RAD51B: variants seen among roughly 807,000 people sequenced by gnomAD.
RAD51B encodes the protein DNA repair protein RAD51 homolog 2.
A neutral mutation model predicts 42.2 loss-of-function variants in RAD51B; 38 were observed. The observed-to-expected ratio is 0.90, with a 90% CI of 0.70 to 1.18. The LOEUF is 1.18. RAD51B is among the 50% of genes most tolerant of loss of function. The pLI is 0.00. For synonymous variants in RAD51B, 154 were observed against 145.2 expected, an observed-to-expected ratio of 1.06 and a Z score of -0.43; for missense variants, 373 against 400.7, an observed-to-expected ratio of 0.93 and a Z score of 0.59.
chr14:68,241,356 C>G (rs1359897714), intron 7 of RAD51B, among the ~76,000 whole-genome samples: 1 of 152,176 alleles, frequency 6.6e-6, no homozygotes, highest in Non-Finnish European at 1.5e-5. Context: ...TCCTGGCTAA[C>G]ATGGTGGAAC....
intron 8 of RAD51B, among the ~76,000 whole-genome samples, chr14:68,383,393 C>T (rs912677823): frequency 1.3e-5 from 2 of 152,144 alleles, no homozygotes; most frequent in East Asian, 3.8e-4. Flanking sequence ...CTACAATAAA[C>T]AGGATGGTCC....
At chr14:68,408,464 G>A (rs565248349) in intron 8 of RAD51B, among the ~76,000 whole-genome samples, 13 of 152,276 alleles carry the variant, frequency 8.5e-5, no homozygotes, top group Admixed American at 7.8e-4. Flanking sequence ...ACAAGCCAAA[G>A]GTTGCGACAA....
At chr14:68,399,254 T>TG (rs2140042372) in intron 8 of RAD51B, among the ~76,000 whole-genome samples, 2 of 136,428 alleles carry the variant, frequency 1.5e-5, no homozygotes, top group African/African-American at 6.4e-5. Context: ...CTGATTTTTT[T>TG]TTGTGTTTTT....
At chr14:68,336,075 A>G (rs2082449413) in intron 8 of RAD51B, among the ~76,000 whole-genome samples, 3 of 152,256 alleles carry the variant, frequency 2.0e-5, no homozygotes, top group Non-Finnish European at 4.4e-5. Context: ...TAAAAGTAAC[A>G]ATAATAATAG....
At position 68,154,473 on chromosome 14, in the gene RAD51B, C is replaced by T. The variant is rs112011515; in HGVS notation, c.757-137411C>T. Among the ~76,000 whole-genome samples the T allele has an allele frequency of 3.3e-3, 503 of 152,326 alleles. 1 individual carries two copies. Among genetic ancestry groups the T allele is most frequent in the Middle Eastern group, 0.014 (4 of 294 alleles). On this transcript the variant is annotated intron_variant, in intron 7 of 10. Coordinates refer to ENST00000471583, the MANE Select transcript of RAD51B (RefSeq NM_133510.4). ...AGAGCATTCTTTCTCTAGCCTCAGG[C>T]AGTTTCCTTACATGCATGCACTAAT...
chr14:68,131,358 T>A (rs1374644189), intron 7 of RAD51B, among the ~76,000 whole-genome samples: 1 of 152,242 alleles, frequency 6.6e-6, no homozygotes, highest in East Asian at 1.9e-4. Context: ...GCTTGTGATG[T>A]GGGCTTTGGA....
intron 7 of RAD51B, among the ~76,000 whole-genome samples, chr14:68,037,991 T>C (rs933996471): frequency 6.6e-6 from 1 of 152,244 alleles, no homozygotes; most frequent in African/African-American, 2.4e-5. Context: ...ACTGGTTAAC[T>C]GAACTTTTCC....
At chr14:68,523,877 T>C (rs897460748) in intron 10 of RAD51B, among the ~76,000 whole-genome samples, 1 of 152,210 alleles carries the variant, frequency 6.6e-6, no homozygotes, top group Non-Finnish European at 1.5e-5. Context: ...TGTATTCCTA[T>C]AAAGCAAAAC....
chr14:68,571,766 T>C, intron 10 of RAD51B, among the ~76,000 whole-genome samples: 1 of 149,904 alleles, frequency 6.7e-6, no homozygotes, highest in Non-Finnish European at 1.5e-5. Context: ...TTGTTAGTTG[T>C]TCAGTTATTG....
chr14:68,422,095 T>G, intron 9 of RAD51B: 2 of 1,495,308 alleles, frequency 1.3e-6, no homozygotes, highest in South Asian at 2.3e-5. Context: ...CACGAAAATT[T>G]TCTGCTGTCT....
chr14:68,371,577 G>C (rs2083266417), intron 8 of RAD51B, among the ~76,000 whole-genome samples: 1 of 151,936 alleles, frequency 6.6e-6, no homozygotes, highest in Non-Finnish European at 1.5e-5. Flanking sequence ...AAGTGACCGG[G>C]CGTGGTGGCT....
intron 5 of RAD51B, among the ~76,000 whole-genome samples, chr14:67,865,991 A>G (rs2042326653): frequency 6.6e-6 from 1 of 152,200 alleles, no homozygotes; most frequent in Admixed American, 6.5e-5. Flanking sequence ...TGGAAGAACA[A>G]TCAAATTTGA....
At chr14:67,925,560 T>C (rs2044476997) in intron 7 of RAD51B, among the ~76,000 whole-genome samples, 1 of 152,178 alleles carries the variant, frequency 6.6e-6, no homozygotes, top group Non-Finnish European at 1.5e-5. Flanking sequence ...CATGAGCTAC[T>C]GTGCTTGACC....
At chr14:68,609,717 T>A (rs1321050414) in intron 10 of RAD51B, among the ~76,000 whole-genome samples, 2 of 152,126 alleles carry the variant, frequency 1.3e-5, no homozygotes, top group Non-Finnish European at 2.9e-5. Context: ...CCATCTCTGC[T>A]CTTGTCCCCC....
chr14:68,221,347 A>G (rs2079922109), intron 7 of RAD51B, among the ~76,000 whole-genome samples: 1 of 152,214 alleles, frequency 6.6e-6, no homozygotes, highest in Admixed American at 6.5e-5. Flanking sequence ...ATAGACACAT[A>G]GACCAATGAA....
intron 8 of RAD51B, chr14:68,306,496 A>G (rs2081865589): frequency 7.1e-6 from 2 of 282,816 alleles, no homozygotes; most frequent in Non-Finnish European, 7.4e-6. Flanking sequence ...AATTCTAGAC[A>G]TGAATTAGAA....
At chr14:67,892,495 ATT>A in intron 7 of RAD51B, among the ~76,000 whole-genome samples, 1 of 152,218 alleles carries the variant, frequency 6.6e-6, no homozygotes, top group Non-Finnish European at 1.5e-5. Context: ...GCAAGGGTTA[ATT>A]CAGCTAGCAT....
intron 7 of RAD51B, among the ~76,000 whole-genome samples, chr14:68,083,517 A>G (rs1566630922): frequency 6.6e-6 from 1 of 152,224 alleles, no homozygotes; most frequent in Non-Finnish European, 1.5e-5. Context: ...TCGTTGTATC[A>G]TAACTGCTGG....
intron 10 of RAD51B, among the ~76,000 whole-genome samples, chr14:68,621,867 G>A (rs1891957628): frequency 6.6e-6 from 1 of 152,228 alleles, no homozygotes; most frequent in African/African-American, 2.4e-5. Context: ...GACAATGAGT[G>A]TAATTGAACC....
Sources: gnomAD v4.1 joint callset for allele counts (sites outside exome capture counted in the v4.1 genomes callset) on GRCh38, gnomAD v4.1.1 for gene constraint, MANE v1.5 for transcripts, NCBI Gene and HGNC (gene_info 2026-07-23, HGNC 2026-07-21) for gene names.